Variants in FILIP1L observed in about 807,000 individuals in gnomAD.
The protein encoded by FILIP1L is filamin A interacting protein 1 like, also known as filamin A-interacting protein 1-like.
FILIP1L carries 55 observed loss-of-function variants against 96.6 expected under a neutral mutation model. That is an observed-to-expected ratio of 0.57 (90% CI 0.46 to 0.71). FILIP1L has a LOEUF of 0.71. Among genes scored for constraint, FILIP1L ranks in the 30% least tolerant of loss-of-function variants. The pLI is 0.00. For missense variants in FILIP1L, 1,304 were observed against 1,321.2 expected (o/e 0.99, Z 0.20); for synonymous variants, 467 against 473.9 (o/e 0.99, Z 0.19).
intron 1 of FILIP1L, among the ~76,000 whole-genome samples, chr3:99,938,277 A>G (rs181274456): frequency 2.0e-5 from 3 of 152,284 alleles, no homozygotes; most frequent in East Asian, 3.9e-4. Context: ...GCACTACACT[A>G]TTTTTTAATT....
At chr3:100,033,330 C>T (rs865886532) in intron 1 of FILIP1L, among the ~76,000 whole-genome samples, 1 of 152,212 alleles carries the variant, frequency 6.6e-6, no homozygotes, top group Non-Finnish European at 1.5e-5. Context: ...TGCCTCACCT[C>T]TATCGAGTGG....
chr3:99,984,060 T>TGTGTGTGTGTGTGTGTTTG (rs1559714079), intron 1 of FILIP1L, among the ~76,000 whole-genome samples: 1 of 24,978 alleles, frequency 4.0e-5, no homozygotes. Context: ...GTATGTGTGT[T>TGTGTGTGTGTGTGTGTTTG]TGTGTGTGTG....
At chr3:99,919,187 T>C (rs1312820234) in intron 4 of FILIP1L, among the ~76,000 whole-genome samples, 1 of 152,114 alleles carries the variant, frequency 6.6e-6, no homozygotes, top group South Asian at 2.1e-4. Flanking sequence ...TAAAATACTT[T>C]AGTTTAATGT....
chr3:99,919,796 G>T (rs1707066645), intron 4 of FILIP1L, among the ~76,000 whole-genome samples: 1 of 152,158 alleles, frequency 6.6e-6, no homozygotes, highest in Admixed American at 6.5e-5. Flanking sequence ...GGGAGAGGTG[G>T]AAGTGCTTTG....
At chr3:99,982,162 G>T (rs1429155025) in intron 1 of FILIP1L, among the ~76,000 whole-genome samples, 1 of 151,864 alleles carries the variant, frequency 6.6e-6, no homozygotes, top group African/African-American at 2.4e-5. Context: ...ATATATTTCG[G>T]TATATGTATT....
intron 1 of FILIP1L, among the ~76,000 whole-genome samples, chr3:100,060,799 G>T (rs1208061529): frequency 6.6e-6 from 1 of 152,142 alleles, no homozygotes; most frequent in African/African-American, 2.4e-5. Context: ...GGCGGAGGTT[G>T]CACTAAGCCA....
At chr3:100,038,453 G>A (rs983445398) in intron 1 of FILIP1L, among the ~76,000 whole-genome samples, 2 of 152,106 alleles carry the variant, frequency 1.3e-5, no homozygotes, top group Non-Finnish European at 2.9e-5. Flanking sequence ...TAGAGAATTC[G>A]AGTAGGGAGC....
At chr3:99,899,199 T>G (rs1706357071) in intron 4 of FILIP1L, among the ~76,000 whole-genome samples, 1 of 152,242 alleles carries the variant, frequency 6.6e-6, no homozygotes, top group Non-Finnish European at 1.5e-5. Context: ...TTTCTGATGT[T>G]CGTTGATCTT....
At chr3:99,948,553 GAGA>G (rs976383111) in intron 1 of FILIP1L, among the ~76,000 whole-genome samples, 2 of 145,168 alleles carry the variant, frequency 1.4e-5, no homozygotes, top group African/African-American at 5.1e-5. Flanking sequence ...GGGGGAGGGG[GAGA>G]AGAAGGAGAA....
chr3:99,898,396 T>G (rs1397162493), intron 4 of FILIP1L: 1 of 152,172 alleles, frequency 6.6e-6, no homozygotes, highest in African/African-American at 2.4e-5. Flanking sequence ...CCTGGAAAGA[T>G]CAGCTAAATA....
intron 1 of FILIP1L, chr3:100,025,581 T>C (rs771180137): frequency 7.9e-5 from 12 of 152,176 alleles, no homozygotes; most frequent in Admixed American, 5.9e-4. Flanking sequence ...TGCTGTTATA[T>C]TGAGCAGTGC....
At chr3:99,901,842 A>AT (rs1440660468) in intron 4 of FILIP1L, among the ~76,000 whole-genome samples, 1 of 152,118 alleles carries the variant, frequency 6.6e-6, no homozygotes, top group Admixed American at 6.5e-5. Flanking sequence ...ACACATTTTT[A>AT]AGATTTATAC....
At chr3:100,037,982 A>G (rs1469424364) in intron 1 of FILIP1L, among the ~76,000 whole-genome samples, 33 of 147,314 alleles carry the variant, frequency 2.2e-4, no homozygotes, top group Non-Finnish European at 4.6e-4. Flanking sequence ...AGAGTCTCAA[A>G]TCTCGCTCTG....
chr3:99,944,403 G>A (rs1207737285), intron 1 of FILIP1L, among the ~76,000 whole-genome samples: 1 of 152,136 alleles, frequency 6.6e-6, no homozygotes, highest in East Asian at 1.9e-4. Flanking sequence ...TTCAGAGGGG[G>A]ATACTCACCC....
intron 1 of FILIP1L, among the ~76,000 whole-genome samples, chr3:99,984,494 T>G (rs1046734236): frequency 6.6e-6 from 1 of 152,236 alleles, no homozygotes; most frequent in African/African-American, 2.4e-5. Context: ...TTGCATTAAC[T>G]TTCTGATAAA....
chr3:100,074,192 G>A (rs932297025), intron 1 of FILIP1L, among the ~76,000 whole-genome samples: 2 of 152,180 alleles, frequency 1.3e-5, no homozygotes, highest in African/African-American at 4.8e-5. Flanking sequence ...TTATCCTGCA[G>A]TGGAGTCCGA....
At chr3:99,957,326 A>G (rs1708348235) in intron 1 of FILIP1L, among the ~76,000 whole-genome samples, 1 of 152,130 alleles carries the variant, frequency 6.6e-6, no homozygotes, top group South Asian at 2.1e-4. Flanking sequence ...CTAAGCATTA[A>G]CAGAAAGTAT....
Position 99,849,538 on chromosome 3 carries a change from C to A in FILIP1L, c.2138G>T (p.Gly713Val). 6.2e-7 allele frequency: 1 copy of A among 1,613,154 alleles called. No homozygotes were observed. The change falls in exon 5 of 6, where the codon GGG becomes GTG. Residue 713 changes from glycine to valine, a missense_variant. Coordinates refer to ENST00000477258, the MANE Select transcript of FILIP1L (RefSeq NM_001387850.1). ...KRLQEEEAKS[G>V]HLSREVDALK... Reference sequence around the variant, plus strand: ...TGCATCCACTTCTCTTGAGAGGTGCCCTGACTTAGCTTCTTCTTCTTGAAG... The same window carrying A: ...TGCATCCACTTCTCTTGAGAGGTGCACTGACTTAGCTTCTTCTTCTTGAAG...
chr3:100,017,357 G>T (rs1192676661), intron 1 of FILIP1L, among the ~76,000 whole-genome samples: 1 of 152,152 alleles, frequency 6.6e-6, no homozygotes, highest in Non-Finnish European at 1.5e-5. Flanking sequence ...ACCTCCTGAT[G>T]ACCATGCTAA....
Sources: gnomAD v4.1 joint callset for allele counts (sites outside exome capture counted in the v4.1 genomes callset) on GRCh38, gnomAD v4.1.1 for gene constraint, MANE v1.5 for transcripts, NCBI Gene and HGNC (gene_info 2026-07-23, HGNC 2026-07-21) for gene names.